CCDC102B: variants seen among roughly 807,000 people sequenced by gnomAD.
The protein encoded by CCDC102B is coiled-coil domain-containing protein 102B.
Under a neutral mutation model 57.4 loss-of-function variants are expected in CCDC102B, and 75 were observed. The ratio of observed to expected loss-of-function variants is 1.31; its 90% CI spans 1.08 to 1.58. CCDC102B has a LOEUF of 1.58. Ranked by LOEUF, CCDC102B falls within the 40% of genes most tolerant of loss-of-function variation. CCDC102B has a pLI of 0.00. For synonymous variants in CCDC102B, 206 were observed against 201.9 expected, an observed-to-expected ratio of 1.02 and a Z score of -0.17; for missense variants, 636 against 582.6, an observed-to-expected ratio of 1.09 and a Z score of -0.94.
chr18:68,911,247 A>C (rs901113167), intron 6 of CCDC102B, among the ~76,000 whole-genome samples: 1 of 152,236 alleles, frequency 6.6e-6, no homozygotes, highest in Non-Finnish European at 1.5e-5. Flanking sequence ...ATGGAATACT[A>C]TGCAGCCACA....
At chr18:68,812,747 C>T (rs2144716514) in intron 1 of CCDC102B, among the ~76,000 whole-genome samples, 1 of 152,292 alleles carries the variant, frequency 6.6e-6, no homozygotes, top group Non-Finnish European at 1.5e-5. Context: ...GCTGGTGCTT[C>T]TACATTTTTG....
At chr18:68,837,585 C>T (rs1264007550) in intron 2 of CCDC102B, among the ~76,000 whole-genome samples, 2 of 152,126 alleles carry the variant, frequency 1.3e-5, no homozygotes, top group Non-Finnish European at 2.9e-5. Context: ...GGGTTGGTTT[C>T]TTCTGAGGCC....
At chr18:69,033,915 T>C (rs1292354168) in intron 7 of CCDC102B, among the ~76,000 whole-genome samples, 1 of 152,066 alleles carries the variant, frequency 6.6e-6, no homozygotes, top group Non-Finnish European at 1.5e-5. Context: ...TGGTATCATA[T>C]TATGATTTTT....
At chr18:68,836,439 C>A (rs2037368931) in intron 1 of CCDC102B, among the ~76,000 whole-genome samples, 1 of 151,876 alleles carries the variant, frequency 6.6e-6, no homozygotes, top group Non-Finnish European at 1.5e-5. Context: ...ACCATCCTGG[C>A]CAACATGGTG....
intron 6 of CCDC102B, among the ~76,000 whole-genome samples, chr18:68,944,000 G>A (rs371013039): frequency 3.3e-5 from 5 of 152,114 alleles, no homozygotes; most frequent in African/African-American, 1.2e-4. Context: ...ATGCTATGCC[G>A]GACAGGGACT....
intron 3 of CCDC102B, among the ~76,000 whole-genome samples, chr18:68,842,960 T>C (rs1273429878): frequency 6.6e-6 from 1 of 152,136 alleles, no homozygotes; most frequent in African/African-American, 2.4e-5. Context: ...GGGACCAGTT[T>C]TGTGGCATGA....
intron 6 of CCDC102B, among the ~76,000 whole-genome samples, chr18:68,996,128 AT>A (rs1312187595): frequency 6.6e-6 from 1 of 152,146 alleles, no homozygotes; most frequent in Non-Finnish European, 1.5e-5. Flanking sequence ...GGAGATTAAC[AT>A]TTGAGTCAGT....
chr18:68,741,713 A>ACACACACCCC (rs1393809459), intron 2 of CCDC102B, among the ~76,000 whole-genome samples: 1 of 97,650 alleles, frequency 1.0e-5, no homozygotes, highest in African/African-American at 4.3e-5. Context: ...ACACACACAC[A>ACACACACCCC]CCCCAAGACA....
At chr18:68,897,620 A>G (rs746627294) in intron 6 of CCDC102B, 192 bp downstream of exon 6, 4 of 1,528,276 alleles carry the variant, frequency 2.6e-6, no homozygotes, top group Non-Finnish European at 3.5e-6. Flanking sequence ...AGTGTGTCAA[A>G]TGTTAAAATA....
Position 68,764,307 on chromosome 18 carries a change from G to A in CCDC102B, c.-67+47713G>A, listed in dbSNP as rs1196425256. 3.3e-5 allele frequency among the ~76,000 whole-genome samples: 5 copies of A among 152,026 alleles called. No homozygotes were observed. In the East Asian group the frequency reaches 9.6e-4, roughly 29 times the overall value. On this transcript the variant is annotated intron_variant, in intron 2 of 3. Coordinates refer to the CCDC102B transcript ENST00000578970. Reference sequence around the variant, plus strand: ...ACTCCATAGAAGAGCATTGCATGGCGACTCACAGTTCTTTGAATGTATTAT... The same window carrying A: ...ACTCCATAGAAGAGCATTGCATGGCAACTCACAGTTCTTTGAATGTATTAT...
intron 2 of CCDC102B, among the ~76,000 whole-genome samples, chr18:68,779,107 C>A (rs770212250): frequency 6.6e-6 from 1 of 151,954 alleles, no homozygotes; most frequent in Non-Finnish European, 1.5e-5. Context: ...GACAGATGTT[C>A]CCAAATACCT....
chr18:68,808,146 C>A (rs752675318), intron 1 of CCDC102B, among the ~76,000 whole-genome samples: 1 of 152,110 alleles, frequency 6.6e-6, no homozygotes, highest in Non-Finnish European at 1.5e-5. Flanking sequence ...TTACATATTG[C>A]ACAACCATTC....
chr18:68,877,066 A>ATAGT (rs2039477001), intron 5 of CCDC102B, among the ~76,000 whole-genome samples: 1 of 152,228 alleles, frequency 6.6e-6, no homozygotes, highest in African/African-American at 2.4e-5. Context: ...GAAATAAAAT[A>ATAGT]CTGAAAATAA....
At chr18:68,743,354 G>A (rs1474598668) in intron 2 of CCDC102B, among the ~76,000 whole-genome samples, 1 of 152,194 alleles carries the variant, frequency 6.6e-6, no homozygotes, top group Non-Finnish European at 1.5e-5. Flanking sequence ...CCTGCAGTGA[G>A]CCAAGATCGT....
Position 68,825,964 on chromosome 18 carries a change from G to A in CCDC102B, c.-15-10785G>A, listed in dbSNP as rs1005440023. ...CATTTAATGTCAATTTATATTTCCC[G>A]TTACTGTCATCTCTTCAGAGGGTTA... is the stretch of plus-strand genomic sequence containing the variant. On this transcript the variant is annotated intron_variant, in intron 1 of 7. Coordinates refer to ENST00000360242, the MANE Select transcript of CCDC102B (RefSeq NM_024781.3). Among the ~76,000 whole-genome samples, 32 of 152,160 alleles carry A rather than the reference G, an allele frequency of 2.1e-4. 1 individual carries two copies. The East Asian group carries it at 2.3e-3, about 11-fold the overall frequency.
chr18:68,918,114 A>G (rs1020176537), intron 6 of CCDC102B, among the ~76,000 whole-genome samples: 1 of 152,214 alleles, frequency 6.6e-6, no homozygotes, highest in Admixed American at 6.5e-5. Flanking sequence ...AAAGACAATT[A>G]GAAAATTCTT....
chr18:68,956,869 C>G (rs2049914465), intron 6 of CCDC102B, among the ~76,000 whole-genome samples: 1 of 151,370 alleles, frequency 6.6e-6, no homozygotes, highest in South Asian at 2.1e-4. Flanking sequence ...TGCACTTTTG[C>G]TGATGGTCCA....
At chr18:68,987,089 C>T (rs549287514) in intron 6 of CCDC102B, among the ~76,000 whole-genome samples, 8 of 151,992 alleles carry the variant, frequency 5.3e-5, no homozygotes, top group Non-Finnish European at 1.0e-4. Context: ...TCATATGGAA[C>T]CAAAAAAGAG....
chr18:68,836,930 A>T lies in CCDC102B; in HGVS notation c.167A>T (p.Asn56Ile). The change falls in exon 2 of 8, where the codon AAT (asparagine) becomes ATT (isoleucine). Residue 56 changes from asparagine (N) to isoleucine (I), a missense_variant. Asn to Ile is a moderately radical substitution (Grantham distance 149, BLOSUM62 -3). Coordinates refer to ENST00000360242, the MANE Select transcript of CCDC102B (RefSeq NM_024781.3). ...LHGLQSHAAH[N>I]FCAHSYNTNK... is the part of the protein sequence containing the mutation. ...GGGCTACAATCTCATGCTGCTCACA[A>T]TTTCTGTGCTCACTCATATAACACC... 1 of 1,614,066 alleles carries T rather than the reference A, an allele frequency of 6.2e-7. No individual in the cohort carries two copies. The highest frequency in any genetic ancestry group is 8.5e-7 in the Non-Finnish European group (1 of 1,180,014).
Sources: gnomAD v4.1 joint callset for allele counts (sites outside exome capture counted in the v4.1 genomes callset) on GRCh38, gnomAD v4.1.1 for gene constraint, MANE v1.5 for transcripts, NCBI Gene and HGNC (gene_info 2026-07-23, HGNC 2026-07-21) for gene names.